SYNC: variants seen among roughly 807,000 people sequenced by gnomAD.
SYNC encodes syncoilin.
Under a neutral mutation model 49.5 loss-of-function variants are expected in SYNC, and 38 were observed. That is an observed-to-expected ratio of 0.77 (90% confidence interval 0.59 to 1.01). The LOEUF (loss-of-function observed/expected upper bound fraction) is 1.01. Among genes scored for constraint, SYNC ranks in the 50% least tolerant of loss-of-function variants. The pLI is 0.00. For missense variants in SYNC, 579 were observed against 580.6 expected (o/e 1.00, Z 0.03); for synonymous variants, 201 against 230.8 (o/e 0.87, Z 1.17).
intron 2 of SYNC, chr1:32,686,177 T>G (rs1478850381): frequency 1.3e-5 from 2 of 152,248 alleles, no homozygotes; most frequent in African/African-American, 2.4e-5. Flanking sequence ...TGTTGAAATA[T>G]ATGTGTTGGG....
chr1:32,694,822 C>T, intron 2 of SYNC, 43 bp downstream of exon 2: 1 of 1,502,162 alleles, frequency 6.7e-7, no homozygotes, highest in Non-Finnish European at 8.9e-7. Flanking sequence ...ACTCTTTCCC[C>T]AGGTTAAAAG....
In SYNC at chr1:32,680,057, C is replaced by G; in HGVS notation, c.*1793G>C. 9.3e-7 allele frequency: 1 copy of G among 1,079,762 alleles called. No homozygotes were observed. The highest frequency in any genetic ancestry group is 3.5e-5 in the South Asian group (1 of 28,878). The allele number at this position is 1,079,762 out of a possible 1,614,324, so 66.9% of individuals were successfully genotyped here. A position where few individuals can be genotyped will look rare whatever the true frequency, so the allele number is the denominator to read the frequency against. On this transcript the variant is annotated 3_prime_UTR_variant, in exon 5 of 5. Coordinates refer to ENST00000409190, the MANE Select transcript of SYNC (RefSeq NM_030786.3). ...AGGCTAGAGTGAGTAAGGAATAGAG[C>G]CAAATGAGGTAGGTGTCTGAGCCAT...
chr1:32,684,636 AG>A (rs1180829772), intron 2 of SYNC: 1 of 461,296 alleles, frequency 2.2e-6, no homozygotes, highest in African/African-American at 2.0e-5. Flanking sequence ...GAATCCTGGG[AG>A]GGTGATTGGG....
intron 2 of SYNC, among the ~76,000 whole-genome samples, chr1:32,692,995 T>C (rs1650237207): frequency 6.6e-6 from 1 of 151,580 alleles, no homozygotes; most frequent in Non-Finnish European, 1.5e-5. Context: ...AGAGCAAGAC[T>C]CTGTCTCAAA....
chr1:32,694,956 T>A lies in SYNC; in HGVS notation c.1142A>T (p.Glu381Val). ...MKEALRPLQAEARQLRLQNRN... is the reference protein window; with the variant it reads ...MKEALRPLQAVARQLRLQNRN... ...GTTTTGCAGGCGGAGCTGCCGGGCC[T>A]CTGCTTGCAGGGGTCTCAGAGCCTC... Residue 381 changes from glutamate to valine, a missense_variant, in exon 2 of 5, where the codon GAG becomes GTG. Coordinates refer to ENST00000409190, the MANE Select transcript of SYNC (RefSeq NM_030786.3). 1 of 1,614,060 alleles carries A rather than the reference T, an allele frequency of 6.2e-7. No homozygotes were observed. Among genetic ancestry groups the A allele is most frequent in the Non-Finnish European group, 8.5e-7 (1 of 1,180,012 alleles).
chr1:32,688,854 C>G (rs574661353), intron 2 of SYNC, among the ~76,000 whole-genome samples: 60 of 150,064 alleles, frequency 4.0e-4, no homozygotes, highest in African/African-American at 1.4e-3. Context: ...GTGCTGGGAT[C>G]ACAGGCATGG....
At chr1:32,692,677 C>G (rs1052221907) in intron 2 of SYNC, among the ~76,000 whole-genome samples, 11 of 151,986 alleles carry the variant, frequency 7.2e-5, no homozygotes, top group African/African-American at 2.4e-4. Context: ...ACCCAGGAGG[C>G]AGAGGTTGCA....
In SYNC at chr1:32,680,585, G is replaced by T. The variant is rs1397402834; in HGVS notation, c.*1265C>A. ...CCATTTTGGGTGACCTGTTTCACCA[G>T]CAGGCCTGTTACTCTCCATGACTAA... On this transcript the variant is annotated 3_prime_UTR_variant, in exon 5 of 5. Coordinates refer to ENST00000409190, the MANE Select transcript of SYNC (RefSeq NM_030786.3). 2 of 1,482,446 alleles carry T rather than the reference G, an allele frequency of 1.3e-6. No individual in the cohort carries two copies. The highest frequency in any genetic ancestry group is 4.0e-5 in the Admixed American group (2 of 49,836). 91.8% of individuals were successfully genotyped at this position (1,482,446 alleles called of 1,614,324 possible). A position where few individuals can be genotyped will look rare whatever the true frequency, so the allele number is the denominator to read the frequency against.
In SYNC at chr1:32,689,502, C is replaced by A. The variant is rs149878076; in HGVS notation, c.1234-5120G>T. Among the ~76,000 whole-genome samples the A allele has an allele frequency of 7.3e-3, 1,106 of 151,772 alleles. 14 individuals carry two copies. The highest frequency in any genetic ancestry group is 0.025 in the African/African-American group (1,035 of 41,430). On this transcript the variant is annotated intron_variant, in intron 2 of 4. Transcript: ENST00000409190. Reference sequence around the variant, plus strand: ...GATCCACTGCGCCCGGCCACACATACTATTTCTAATTGCTATTGCCAGCAC... The same window carrying A: ...GATCCACTGCGCCCGGCCACACATAATATTTCTAATTGCTATTGCCAGCAC...
intron 3 of SYNC, 70 bp downstream of exon 3, chr1:32,684,187 AT>A: frequency 6.2e-7 from 1 of 1,605,600 alleles, no homozygotes; most frequent in South Asian, 1.1e-5. Context: ...CTAAGGTAAA[AT>A]TTTCCCTAAG....
chr1:32,696,699 C>T (rs1463914998), intron 1 of SYNC, among the ~76,000 whole-genome samples: 6 of 151,934 alleles, frequency 3.9e-5, no homozygotes, highest in East Asian at 1.9e-4. Flanking sequence ...CTGCCCGCCT[C>T]GGCCTCCCAA....
chr1:32,690,274 T>C (rs1650096893), intron 2 of SYNC, among the ~76,000 whole-genome samples: 1 of 152,230 alleles, frequency 6.6e-6, no homozygotes, highest in African/African-American at 2.4e-5. Flanking sequence ...CTTGGGAAGA[T>C]GCACAAATCG....
At chr1:32,699,334 A>G (rs1377554820) in intron 1 of SYNC, among the ~76,000 whole-genome samples, 1 of 150,696 alleles carries the variant, frequency 6.6e-6, no homozygotes, top group Non-Finnish European at 1.5e-5. Context: ...TTGTGTATTT[A>G]GTAGAGACAG....
chr1:32,692,231 A>T (rs1041000467), intron 2 of SYNC, among the ~76,000 whole-genome samples: 1 of 152,104 alleles, frequency 6.6e-6, no homozygotes, highest in African/African-American at 2.4e-5. Flanking sequence ...CCGTCTCAAA[A>T]AATAATAATC....
rs187268415 is a variant in SYNC at position 32,686,777 on chromosome 1, T to C, written c.1234-2395A>G. On this transcript the variant is annotated intron_variant, in intron 2 of 4. Transcript: ENST00000409190. Reference sequence around the variant, plus strand: ...AATCTCATGTTTCATGTGAGGGTGCTGAGCCACAGAGCTTAAGTAATTTGT... The same window carrying C: ...AATCTCATGTTTCATGTGAGGGTGCCGAGCCACAGAGCTTAAGTAATTTGT... 1.8e-3 allele frequency among the ~76,000 whole-genome samples: 265 copies of C among 149,094 alleles called. 1 individual carries two copies. The highest frequency in any genetic ancestry group is 6.1e-3 in the African/African-American group (238 of 39,000).
rs1275392197 is a variant in SYNC at position 32,695,296 on chromosome 1, C to T, written c.802G>A (p.Ala268Thr). ...YQLECRQQDV[A>T]QFADFREVLT... The stretch of plus-strand genomic sequence containing the variant: ...ACTTCCCGGAAATCGGCAAACTGAG[C>T]CACGTCCTGCTGGCGGCACTCCAGC... The change falls in exon 2 of 5, where the codon GCT becomes ACT. Residue 268 changes from alanine (A) to threonine (T), a missense_variant. Ala to Thr is a moderately conservative substitution (Grantham distance 58). Coordinates refer to ENST00000409190, the MANE Select transcript of SYNC (RefSeq NM_030786.3). The T allele has an allele frequency of 5.8e-6, 9 of 1,551,582 alleles. No homozygotes were observed. Among genetic ancestry groups the T allele is most frequent in the Non-Finnish European group, 7.8e-6 (9 of 1,147,086 alleles).
At chr1:32,684,186 A>G in intron 3 of SYNC, 72 bp downstream of exon 3, 1 of 1,605,694 alleles carries the variant, frequency 6.2e-7, no homozygotes, top group Non-Finnish European at 8.5e-7. Flanking sequence ...TCTAAGGTAA[A>G]ATTTTCCCTA....
chr1:32,690,881 G>A (rs1017109038), intron 2 of SYNC, among the ~76,000 whole-genome samples: 11 of 151,900 alleles, frequency 7.2e-5, no homozygotes, highest in Non-Finnish European at 1.5e-4. Flanking sequence ...GAGCTCAGGA[G>A]TTCAAGACCA....
In SYNC at chr1:32,702,664, T is replaced by C; in HGVS notation, c.-4A>G. 8.4e-7 allele frequency: 1 copy of C among 1,190,816 alleles called. No homozygotes were observed. The highest frequency in any genetic ancestry group is 1.0e-6 in the Non-Finnish European group (1 of 962,306). 73.8% of individuals were successfully genotyped at this position (1,190,816 alleles called of 1,614,324 possible). A position where few individuals can be genotyped will look rare whatever the true frequency, so the allele number is the denominator to read the frequency against. On this transcript the variant is annotated 5_prime_UTR_variant, in exon 1 of 5. Coordinates refer to ENST00000409190, the MANE Select transcript of SYNC (RefSeq NM_030786.3). This position sits in a 1 kb window ranked among gnomAD's most constrained non-coding sequence, Gnocchi z 6.2. ...GCCGGGGCTCCGGGCTGGCCATGGC[T>C]GCGCGACCCCGGGCTGGCGGCCGCG...
Sources: gnomAD v4.1 joint callset for allele counts (sites outside exome capture counted in the v4.1 genomes callset) on GRCh38, gnomAD v4.1.1 for gene constraint, Gnocchi (gnomAD v3.1) non-coding constraint, MANE v1.5 for transcripts, NCBI Gene and HGNC (gene_info 2026-07-23, HGNC 2026-07-21) for gene names.